The following FAM227B variants were observed in gnomAD, a reference collection of about 807,000 sequenced individuals.
The protein encoded by FAM227B is protein FAM227B.
In FAM227B, 88 loss-of-function variants were observed where a neutral mutation model predicts 73.8. That is an observed-to-expected ratio of 1.19 (90% CI 1.00 to 1.42). The LOEUF is 1.42. Ranked by LOEUF, FAM227B falls within the 40% of genes most tolerant of loss-of-function variation. The pLI is 0.00. For synonymous variants in FAM227B, 210 were observed against 190.5 expected (o/e 1.10, Z -0.84); for missense variants, 632 against 590.9 (o/e 1.07, Z -0.72).
chr15:49,413,334 C>A (rs919409913), intron 11 of FAM227B, among the ~76,000 whole-genome samples: 1 of 152,030 alleles, frequency 6.6e-6, no homozygotes, highest in Non-Finnish European at 1.5e-5. Context: ...TTACCTGCTA[C>A]CATCTGTGTA....
At chr15:49,534,874 T>A (rs2060892351) in intron 10 of FAM227B, among the ~76,000 whole-genome samples, 1 of 151,070 alleles carries the variant, frequency 6.6e-6, no homozygotes, top group Admixed American at 6.6e-5. Context: ...AAAAGGGAAG[T>A]TAAAGAAAAA....
chr15:49,588,209 G>T (rs2076289906), intron 4 of FAM227B, 126 bp from the exon 5 acceptor site: 2 of 525,416 alleles, frequency 3.8e-6, no homozygotes, highest in Admixed American at 9.8e-5. Flanking sequence ...ATTAGCAATT[G>T]TGATAAGTAT....
chr15:49,552,135 T>C (rs915917905), intron 9 of FAM227B, among the ~76,000 whole-genome samples: 2 of 152,218 alleles, frequency 1.3e-5, no homozygotes, highest in African/African-American at 2.4e-5. Flanking sequence ...TTCTTTCTAA[T>C]TGAAGTCCTC....
chr15:49,338,410 T>A (rs1011896274), intron 13 of FAM227B, among the ~76,000 whole-genome samples: 4 of 152,230 alleles, frequency 2.6e-5, no homozygotes, highest in Admixed American at 2.6e-4. Flanking sequence ...GATATGAAAT[T>A]CTGGGTTGAA....
chr15:49,574,513 G>A (rs1320910101), intron 8 of FAM227B, among the ~76,000 whole-genome samples: 1 of 152,132 alleles, frequency 6.6e-6, no homozygotes, highest in Admixed American at 6.6e-5. Flanking sequence ...TGAAGAAGGT[G>A]CCTGCTTCCC....
rs1470167080 is a variant in FAM227B, at chr15:49,399,140, G to C, written c.1013-27741C>G. ...GAAAAAAAGAGAGAAGAATCAAGTA[G>C]ACGCAATAAAAAATGATAAAGGGGA... On this transcript the variant is annotated intron_variant, in intron 11 of 15. Coordinates refer to ENST00000299338, the MANE Select transcript of FAM227B (RefSeq NM_152647.3). Among the ~76,000 whole-genome samples, 991 of 147,422 alleles carry C rather than the reference G, an allele frequency of 6.7e-3. 2 individuals are homozygous for C. The highest frequency in any genetic ancestry group is 0.011 in the Non-Finnish European group (737 of 66,430).
chr15:49,361,277 C>T (rs1030354622), intron 13 of FAM227B, among the ~76,000 whole-genome samples: 2 of 151,812 alleles, frequency 1.3e-5, no homozygotes, highest in Non-Finnish European at 2.9e-5. Context: ...TTCAGGGGTA[C>T]ATGTGGAGGT....
intron 9 of FAM227B, among the ~76,000 whole-genome samples, chr15:49,544,916 T>C (rs548186020): frequency 1.3e-5 from 2 of 152,282 alleles, no homozygotes; most frequent in East Asian, 1.9e-4. Flanking sequence ...TAGTATTTCG[T>C]TGAGGATTTT....
At chr15:49,391,550 T>G (rs568259895) in intron 11 of FAM227B, among the ~76,000 whole-genome samples, 1 of 152,220 alleles carries the variant, frequency 6.6e-6, no homozygotes, top group East Asian at 1.9e-4. Context: ...TGAAATCTGA[T>G]TGCTCTTCTT....
At chr15:49,558,555 C>A (rs551954546) in intron 9 of FAM227B, among the ~76,000 whole-genome samples, 2 of 152,168 alleles carry the variant, frequency 1.3e-5, no homozygotes, top group Non-Finnish European at 2.9e-5. Context: ...AAACCCAACT[C>A]CCACAGGTTT....
intron 13 of FAM227B, among the ~76,000 whole-genome samples, chr15:49,337,739 A>C (rs1196813225): frequency 6.7e-6 from 1 of 150,158 alleles, no homozygotes; most frequent in Non-Finnish European, 1.5e-5. Context: ...CTCATTGTTC[A>C]ATTCCCACTT....
At chr15:49,398,231 A>C (rs973815777) in intron 11 of FAM227B, among the ~76,000 whole-genome samples, 7 of 152,136 alleles carry the variant, frequency 4.6e-5, no homozygotes, top group Non-Finnish European at 1.0e-4. Context: ...TAAACCAACA[A>C]AGATCAAGAG....
intron 13 of FAM227B, among the ~76,000 whole-genome samples, chr15:49,348,203 C>T (rs1210204714): frequency 3.9e-5 from 6 of 152,136 alleles, no homozygotes; most frequent in Admixed American, 3.9e-4. Flanking sequence ...ACAGAGACAG[C>T]TCCAAGGGTT....
intron 11 of FAM227B, among the ~76,000 whole-genome samples, chr15:49,454,270 G>C (rs1041083892): frequency 1.3e-5 from 2 of 152,168 alleles, no homozygotes; most frequent in African/African-American, 2.4e-5. Flanking sequence ...AGTTTCATAG[G>C]GGGCAGGGCA....
At chr15:49,543,679 T>C (rs576941836) in intron 9 of FAM227B, among the ~76,000 whole-genome samples, 1 of 152,146 alleles carries the variant, frequency 6.6e-6, no homozygotes, top group African/African-American at 2.4e-5. Flanking sequence ...TTGACTTTTG[T>C]ATAAGAGACA....
intron 11 of FAM227B, among the ~76,000 whole-genome samples, chr15:49,467,046 C>T (rs1436811614): frequency 6.6e-6 from 1 of 152,016 alleles, no homozygotes; most frequent in East Asian, 1.9e-4. Context: ...TTATCTTATG[C>T]CTGGGTAGCA....
chr15:49,340,502 G>A (rs996406096), intron 13 of FAM227B, among the ~76,000 whole-genome samples: 2 of 150,206 alleles, frequency 1.3e-5, no homozygotes, highest in Non-Finnish European at 3.0e-5. Flanking sequence ...AGTTGGAAAT[G>A]CAGAAGTCAC....
At chr15:49,517,550 T>G (rs2059459714) in intron 10 of FAM227B, among the ~76,000 whole-genome samples, 1 of 152,172 alleles carries the variant, frequency 6.6e-6, no homozygotes, top group Non-Finnish European at 1.5e-5. Flanking sequence ...ATGTGATTCT[T>G]GATGGATATA....
chr15:49,568,425 T>C, intron 8 of FAM227B, 79 bp from the exon 9 acceptor site: 1 of 1,169,436 alleles, frequency 8.6e-7, no homozygotes, highest in South Asian at 1.4e-5. Flanking sequence ...GCAATTTCAT[T>C]TATTCTCATG....
Sources: gnomAD v4.1 joint callset for allele counts (sites outside exome capture counted in the v4.1 genomes callset) on GRCh38, gnomAD v4.1.1 for gene constraint, MANE v1.5 for transcripts, NCBI Gene and HGNC (gene_info 2026-07-23, HGNC 2026-07-21) for gene names.